CCDC88A: variants seen among roughly 807,000 people sequenced by gnomAD.
The protein encoded by CCDC88A is coiled-coil and HOOK domain protein 88A, also known as girdin.
Under a neutral mutation model 234.3 loss-of-function variants are expected in CCDC88A, and 54 were observed. The ratio of observed to expected loss-of-function variants is 0.23; its 90% confidence interval spans 0.19 to 0.29. The LOEUF (loss-of-function observed/expected upper bound fraction) is 0.29, where lower values mean the gene tolerates loss of function less well. CCDC88A is among the 10% of genes least tolerant of loss of function. The pLI is 1.00. For synonymous variants in CCDC88A, 753 were observed against 737.8 expected, an observed-to-expected ratio of 1.02 and a Z score of -0.33; for missense variants, 1,832 against 2,123.4, an observed-to-expected ratio of 0.86 and a Z score of 2.70.
intron 3 of CCDC88A, among the ~76,000 whole-genome samples, chr2:55,385,848 A>T (rs6705104): frequency 9.5e-6 from 1 of 105,306 alleles, no homozygotes; most frequent in South Asian, 3.3e-4. Context: ...GTGAAACTCC[A>T]TGTCAAAAAA....
chr2:55,384,129 G>T (rs750855960), intron 3 of CCDC88A, among the ~76,000 whole-genome samples: 1 of 151,970 alleles, frequency 6.6e-6, no homozygotes, highest in South Asian at 2.1e-4. Flanking sequence ...AGCCCAGAAG[G>T]TCTTAGCTAC....
At chr2:55,416,837 T>C (rs752056411) in intron 2 of CCDC88A, 28 of 151,962 alleles carry the variant, frequency 1.8e-4, no homozygotes, top group Non-Finnish European at 3.2e-4. Flanking sequence ...TGTTGCCCTA[T>C]CAGTTAAATA....
intron 25 of CCDC88A, among the ~76,000 whole-genome samples, chr2:55,304,626 T>C (rs904831882): frequency 1.3e-5 from 2 of 152,216 alleles, no homozygotes; most frequent in South Asian, 4.1e-4. Context: ...AGTATATCAT[T>C]TTTAGATATT....
intron 5 of CCDC88A, among the ~76,000 whole-genome samples, chr2:55,365,622 T>A (rs1430528730): frequency 6.6e-6 from 1 of 152,112 alleles, no homozygotes; most frequent in South Asian, 2.1e-4. Context: ...TCAATGAAAA[T>A]TTTCCCTTTA....
chr2:55,366,946 T>C (rs761433549), intron 5 of CCDC88A, among the ~76,000 whole-genome samples: 2 of 152,126 alleles, frequency 1.3e-5, no homozygotes, highest in Non-Finnish European at 2.9e-5. Flanking sequence ...AAACAGACAT[T>C]TGTACACTCA....
chr2:55,352,548 T>C (rs899397294), intron 8 of CCDC88A, among the ~76,000 whole-genome samples: 2 of 152,178 alleles, frequency 1.3e-5, no homozygotes, highest in Admixed American at 1.3e-4. Context: ...GGATGAATTT[T>C]CTGACCTGCG....
At chr2:55,349,008 T>C (rs1423817581) in intron 9 of CCDC88A, 1 of 152,608 alleles carries the variant, frequency 6.6e-6, no homozygotes, top group Non-Finnish European at 1.5e-5. Flanking sequence ...TTAGAGTGAT[T>C]GTAAAAGTGA....
chr2:55,336,777 A>C lies in CCDC88A; in HGVS notation c.1560T>G (p.Ser520Arg). 1 of 1,594,640 alleles carries C rather than the reference A, an allele frequency of 6.3e-7. No individual in the cohort carries two copies. The highest frequency in any genetic ancestry group is 1.3e-5 in the African/African-American group (1 of 74,364). The change falls in exon 14 of 33, where the codon AGT becomes AGG. Residue 520 changes from serine to arginine, a missense_variant. Physicochemically the swap from Ser to Arg is moderately radical, Grantham distance 110 (BLOSUM62 -1). This residue lies in a region of CCDC88A where 1,282 missense variants were observed against 1,543.6 expected (regional missense o/e 0.83). Coordinates refer to ENST00000436346, the MANE Select transcript of CCDC88A (RefSeq NM_001365480.1). ...TGCTTAAATTCTGACAATTCTGAAG[A>C]CTTTGCTTTTCTTGAACAATCTCAT... ...LENEIVQEKQSLQNCQNLSKD... is the reference protein window; with the variant it reads ...LENEIVQEKQRLQNCQNLSKD...
intron 8 of CCDC88A, among the ~76,000 whole-genome samples, chr2:55,352,150 G>C (rs1669968515): frequency 6.6e-6 from 1 of 151,776 alleles, no homozygotes; most frequent in Non-Finnish European, 1.5e-5. Flanking sequence ...ATTGGTGTGT[G>C]GGCTGGGCAC....
Position 55,373,488 on chromosome 2 carries a change from T to C in CCDC88A, c.344-978A>G, listed in dbSNP as rs559056172. On this transcript the variant is annotated intron_variant, in intron 4 of 32. Coordinates refer to ENST00000436346, the MANE Select transcript of CCDC88A (RefSeq NM_001365480.1). Reference sequence around the variant, plus strand: ...CTTATACGTCAACTTTAAGAATAATTAATGGCTCCAAATTTTATATGCCAG... The same window carrying C: ...CTTATACGTCAACTTTAAGAATAATCAATGGCTCCAAATTTTATATGCCAG... Among the ~76,000 whole-genome samples the C allele has an allele frequency of 2.6e-5, 4 of 152,172 alleles. No individual in the cohort carries two copies. The South Asian group carries it at 8.3e-4, about 32-fold the overall frequency.
chr2:55,368,626 A>G (rs558967615), intron 5 of CCDC88A, among the ~76,000 whole-genome samples: 1 of 152,006 alleles, frequency 6.6e-6, no homozygotes, highest in Admixed American at 6.6e-5. Context: ...ACCCAGCCCT[A>G]TTTCTTTTCA....
chr2:55,397,505 T>G (rs1268675194), intron 2 of CCDC88A: 2 of 152,180 alleles, frequency 1.3e-5, no homozygotes, highest in Non-Finnish European at 2.9e-5. Context: ...TATACTAATT[T>G]GGATTATCCA....
At chr2:55,397,627 T>C (rs747629425) in intron 2 of CCDC88A, among the ~76,000 whole-genome samples, 1 of 152,004 alleles carries the variant, frequency 6.6e-6, no homozygotes, top group Non-Finnish European at 1.5e-5. Context: ...TTTTATAATG[T>C]AAATGCTATC....
At chr2:55,392,292 CA>C (rs1676779879) in intron 2 of CCDC88A, among the ~76,000 whole-genome samples, 1 of 152,082 alleles carries the variant, frequency 6.6e-6, no homozygotes, top group Admixed American at 6.5e-5. Flanking sequence ...TTGTTTTTTT[CA>C]AATTTATCTT....
chr2:55,332,957 A>G lies in CCDC88A; in HGVS notation c.2728-264T>C, dbSNP rs1465256733. Among the ~76,000 whole-genome samples the G allele has an allele frequency of 6.6e-6, 1 of 152,228 alleles. No individual in the cohort carries two copies. The highest frequency in any genetic ancestry group is 2.4e-5 in the African/African-American group (1 of 41,454). Reference sequence around the variant, plus strand: ...ACTTGTGAATACACATTTAGGTTTGAAAACTGGGGAAAATCATATCCATTT... The same window carrying G: ...ACTTGTGAATACACATTTAGGTTTGGAAACTGGGGAAAATCATATCCATTT... On this transcript the variant is annotated intron_variant, in intron 15 of 32. Transcript: ENST00000436346. This position sits in a 1 kb window ranked among gnomAD's most constrained non-coding sequence, Gnocchi z 4.5.
chr2:55,364,067 T>G, intron 5 of CCDC88A, 34 bp from the exon 6 acceptor site: 1 of 1,030,872 alleles, frequency 9.7e-7, no homozygotes, highest in Non-Finnish European at 1.5e-6. Flanking sequence ...TATTCATACT[T>G]TATAGGGTAT....
intron 3 of CCDC88A, among the ~76,000 whole-genome samples, chr2:55,381,667 G>A (rs891118128): frequency 1.4e-4 from 21 of 151,386 alleles, no homozygotes; most frequent in African/African-American, 4.9e-4. Flanking sequence ...TCACAAATAT[G>A]CCAGATATAA....
At position 55,389,021 on chromosome 2, in the gene CCDC88A, A is replaced by C. The variant is rs1312813110; in HGVS notation, c.165-135T>G. 1.0e-5 allele frequency: 3 copies of C among 289,296 alleles called. No individual in the cohort carries two copies. In the Admixed American group the frequency reaches 1.5e-4, roughly 15 times the overall value. 17.9% of individuals were successfully genotyped at this position (289,296 alleles called of 1,614,324 possible). A position where few individuals can be genotyped will look rare whatever the true frequency, so the allele number is the denominator to read the frequency against. On this transcript the variant is annotated intron_variant, in intron 2 of 32. Coordinates refer to ENST00000436346, the MANE Select transcript of CCDC88A (RefSeq NM_001365480.1). ...ATCTGCATTAACAGAGATGGTCCAA[A>C]AGGGCAGATTATTACTTTGACATGT... is the stretch of plus-strand genomic sequence containing the variant.
chr2:55,350,767 C>A (rs1669774716), intron 8 of CCDC88A, among the ~76,000 whole-genome samples: 1 of 152,090 alleles, frequency 6.6e-6, no homozygotes, highest in Admixed American at 6.6e-5. Flanking sequence ...TCAAGTGATC[C>A]TCCTGCCTCA....
Sources: allele counts gnomAD v4.1 joint callset (sites outside exome capture counted in the v4.1 genomes callset), GRCh38; gene constraint gnomAD v4.1.1; regional missense constraint gnomAD v4.1.1; non-coding constraint Gnocchi (gnomAD v3.1); transcripts MANE v1.5; gene names NCBI Gene and HGNC (gene_info 2026-07-23, HGNC 2026-07-21).